The following ARHGAP10 variants were observed in gnomAD, a reference collection of about 807,000 sequenced individuals.
The protein encoded by ARHGAP10 is rho GTPase-activating protein 10.
In ARHGAP10, 87 loss-of-function variants were observed where a neutral mutation model predicts 108.6. That is an observed-to-expected ratio of 0.80 (90% CI 0.67 to 0.96). ARHGAP10 has a LOEUF of 0.96. ARHGAP10 is among the 40% of genes least tolerant of loss of function. The pLI, the probability that ARHGAP10 is intolerant of heterozygous loss-of-function variation, is 0.00. For synonymous variants in ARHGAP10, 347 were observed against 341.1 expected (o/e 1.02, Z -0.19); for missense variants, 939 against 954.5 (o/e 0.98, Z 0.21).
chr4:147,952,988 G>A (rs1426350907), intron 15 of ARHGAP10, among the ~76,000 whole-genome samples: 2 of 151,960 alleles, frequency 1.3e-5, no homozygotes, highest in Non-Finnish European at 2.9e-5. Context: ...AGTAGTTCTA[G>A]TACGATTTGT....
chr4:148,010,429 C>A (rs536091530), intron 18 of ARHGAP10, among the ~76,000 whole-genome samples: 17 of 152,254 alleles, frequency 1.1e-4, no homozygotes, highest in Admixed American at 8.5e-4. Context: ...AAACTATCAA[C>A]CTTGTAGGGT....
chr4:148,068,217 T>G (rs916130632), intron 22 of ARHGAP10, among the ~76,000 whole-genome samples: 1 of 152,096 alleles, frequency 6.6e-6, no homozygotes, highest in African/African-American at 2.4e-5. Context: ...AGGCAGGTGG[T>G]TTCCAGGAGC....
At chr4:147,935,284 G>T (rs1216425316) in intron 13 of ARHGAP10, among the ~76,000 whole-genome samples, 1 of 152,214 alleles carries the variant, frequency 6.6e-6, no homozygotes, top group East Asian at 1.9e-4. Context: ...GGATCTGAAG[G>T]CTGGCTCTTA....
chr4:147,765,526 G>A (rs1729773217), intron 1 of ARHGAP10, among the ~76,000 whole-genome samples: 1 of 152,218 alleles, frequency 6.6e-6, no homozygotes, highest in Non-Finnish European at 1.5e-5. Context: ...GAGGTTGGGT[G>A]TGGTGGCTCA....
chr4:147,988,820 T>A (rs1196063244), intron 18 of ARHGAP10, among the ~76,000 whole-genome samples: 1 of 152,186 alleles, frequency 6.6e-6, no homozygotes, highest in Non-Finnish European at 1.5e-5. Flanking sequence ...CATGCTTTAT[T>A]CTGTCAGTGA....
chr4:147,753,964 C>T (rs1297893319), intron 1 of ARHGAP10, among the ~76,000 whole-genome samples: 1 of 152,170 alleles, frequency 6.6e-6, no homozygotes, highest in Non-Finnish European at 1.5e-5. Flanking sequence ...CATTCATCTG[C>T]TACTACTCGT....
At chr4:147,761,651 C>G (rs1244606229) in intron 1 of ARHGAP10, among the ~76,000 whole-genome samples, 2 of 152,182 alleles carry the variant, frequency 1.3e-5, no homozygotes, top group Non-Finnish European at 2.9e-5. Flanking sequence ...AATTTACTCT[C>G]CATAAAATAT....
At chr4:147,994,509 G>GTTATAATA (rs1740400215) in intron 18 of ARHGAP10, among the ~76,000 whole-genome samples, 1 of 152,124 alleles carries the variant, frequency 6.6e-6, no homozygotes, top group Non-Finnish European at 1.5e-5. Flanking sequence ...TAGGTTATGG[G>GTTATAATA]GAAGATTTAT....
intron 1 of ARHGAP10, among the ~76,000 whole-genome samples, chr4:147,761,930 A>T (rs1014170003): frequency 4.6e-5 from 7 of 152,212 alleles, no homozygotes; most frequent in African/African-American, 1.7e-4. Flanking sequence ...TTTCTTGTTC[A>T]TTCTCTTGAC....
At chr4:148,003,526 AT>A (rs897092171) in intron 18 of ARHGAP10, among the ~76,000 whole-genome samples, 10 of 152,144 alleles carry the variant, frequency 6.6e-5, no homozygotes, top group African/African-American at 2.4e-4. Context: ...AAAGTCTCCC[AT>A]TATTATTGTG....
intron 13 of ARHGAP10, among the ~76,000 whole-genome samples, chr4:147,925,067 A>G (rs1414295827): frequency 1.3e-5 from 2 of 152,192 alleles, no homozygotes; most frequent in Non-Finnish European, 2.9e-5. Flanking sequence ...ACAAACAGCA[A>G]AATTAACTGG....
chr4:148,064,013 T>C (rs531032816), intron 21 of ARHGAP10, among the ~76,000 whole-genome samples: 1 of 152,348 alleles, frequency 6.6e-6, no homozygotes, highest in East Asian at 1.9e-4. Context: ...GGAGTGTGGC[T>C]GTGCCGCCTC....
intron 1 of ARHGAP10, among the ~76,000 whole-genome samples, chr4:147,765,744 G>T (rs1207183353): frequency 6.6e-6 from 1 of 152,178 alleles, no homozygotes; most frequent in South Asian, 2.1e-4. Flanking sequence ...AGGCTGCAGT[G>T]AGCCATGATT....
chr4:148,042,204 C>G (rs887241050), intron 19 of ARHGAP10, among the ~76,000 whole-genome samples: 4 of 152,174 alleles, frequency 2.6e-5, no homozygotes, highest in African/African-American at 9.7e-5. Flanking sequence ...AAGCCATGAA[C>G]CTGAGGCTCA....
chr4:147,936,518 A>G (rs1737948778), intron 13 of ARHGAP10, among the ~76,000 whole-genome samples: 1 of 151,044 alleles, frequency 6.6e-6, no homozygotes, highest in South Asian at 2.1e-4. Context: ...TTTAGTAGAG[A>G]CGGGGTTTCA....
At chr4:147,948,227 A>G (rs904030291) in intron 15 of ARHGAP10, among the ~76,000 whole-genome samples, 7 of 152,144 alleles carry the variant, frequency 4.6e-5, no homozygotes, top group African/African-American at 1.7e-4. Context: ...GCCACTTTTT[A>G]AAGATAATAC....
rs187825902 is a variant in ARHGAP10, at chr4:147,991,192, A to C, written c.1716+24353A>C. On this transcript the variant is annotated intron_variant, in intron 18 of 22. Transcript: ENST00000336498. ...AAAGAAAACAAATAGAAGTCTTTCC[A>C]TTAGGTCTAGGGCCCGCTTCTCTGG... is the stretch of plus-strand genomic sequence containing the variant. Among the ~76,000 whole-genome samples the C allele has an allele frequency of 4.6e-5, 7 of 151,508 alleles. No homozygotes were observed. In the East Asian group the frequency reaches 1.4e-3, roughly 29 times the overall value.
At chr4:147,740,610 T>A (rs1284651625) in intron 1 of ARHGAP10, among the ~76,000 whole-genome samples, 1 of 152,206 alleles carries the variant, frequency 6.6e-6, no homozygotes, top group African/African-American at 2.4e-5. Flanking sequence ...ATGAGTACAG[T>A]ATAGACATTC....
chr4:147,765,339 G>GTGT (rs72246174), intron 1 of ARHGAP10, among the ~76,000 whole-genome samples: 538 of 26,832 alleles, frequency 0.02, 18 homozygotes, highest in African/African-American at 0.033. Flanking sequence ...TGTGTGTGTG[G>GTGT]GGGGGGGGGT....
Sources: gnomAD v4.1 joint callset for allele counts (sites outside exome capture counted in the v4.1 genomes callset) on GRCh38, gnomAD v4.1.1 for gene constraint, MANE v1.5 for transcripts, NCBI Gene and HGNC (gene_info 2026-07-23, HGNC 2026-07-21) for gene names.